COL14A1: variants seen among roughly 807,000 people sequenced by gnomAD.
COL14A1 encodes the protein collagen alpha-1(XIV) chain.
In COL14A1, 136 loss-of-function variants were observed where a neutral mutation model predicts 230.3. The observed-to-expected ratio is 0.59, with a 90% CI of 0.51 to 0.68. The LOEUF is 0.68. Ranked by LOEUF, COL14A1 falls within the 30% of genes least tolerant of loss-of-function variation. The pLI is 0.00. For missense variants in COL14A1, 1,976 were observed against 2,215.8 expected (o/e 0.89, Z 2.17); for synonymous variants, 792 against 784.1 (o/e 1.01, Z -0.17).
intron 20 of COL14A1, among the ~76,000 whole-genome samples, chr8:120,246,648 C>G (rs193168514): frequency 1.4e-3 from 211 of 152,112 alleles, no homozygotes; most frequent in African/African-American, 5.0e-3. Context: ...ACAGAAATGC[C>G]ATTACGTCTT....
intron 7 of COL14A1, 103 bp downstream of exon 7, chr8:120,198,033 A>G: frequency 8.6e-7 from 1 of 1,157,364 alleles, no homozygotes; most frequent in South Asian, 1.5e-5. Flanking sequence ...GTTTTAATTA[A>G]ACTAGCACTT....
intron 5 of COL14A1, among the ~76,000 whole-genome samples, chr8:120,192,630 T>C (rs202117054): frequency 4.4e-4 from 67 of 152,296 alleles, no homozygotes; most frequent in Admixed American, 1.3e-3. Context: ...GGATAATATC[T>C]TGCAGAGTGT....
chr8:120,189,937 A>G (rs1036397661), intron 5 of COL14A1, among the ~76,000 whole-genome samples: 1 of 151,464 alleles, frequency 6.6e-6, no homozygotes, highest in Non-Finnish European at 1.5e-5. Context: ...TAGTGCCACA[A>G]TAAACATACG....
chr8:120,295,883 G>A (rs1820512651), intron 34 of COL14A1, among the ~76,000 whole-genome samples: 1 of 151,882 alleles, frequency 6.6e-6, no homozygotes, highest in Admixed American at 6.6e-5. Context: ...CAGTGGAAGA[G>A]TTGGAGATGA....
intron 19 of COL14A1, among the ~76,000 whole-genome samples, chr8:120,238,791 A>G (rs1818530102): frequency 6.6e-6 from 1 of 152,156 alleles, no homozygotes; most frequent in South Asian, 2.1e-4. Flanking sequence ...TGGGAAAAGC[A>G]TAGTATCTGG....
At chr8:120,370,382 A>G (rs745379935) in intron 47 of COL14A1, 460 of 1,610,972 alleles carry the variant, frequency 2.9e-4, no homozygotes, top group Non-Finnish European at 3.7e-4. Flanking sequence ...GAAATCCTCC[A>G]CTCTGGTTCC....
intron 40 of COL14A1, 135 bp downstream of exon 40, chr8:120,316,132 C>T (rs140748768): frequency 4.9e-5 from 36 of 739,428 alleles, no homozygotes; most frequent in Non-Finnish European, 7.0e-5. Flanking sequence ...ATGTATTTTC[C>T]ACCTATCCTG....
In COL14A1 at chr8:120,237,904, C is replaced by A. The variant is rs961281419; in HGVS notation, c.2350-5975C>A. Reference sequence around the variant, plus strand: ...AGGTCTGTTGGAGTTTGGTGGAGGGCCATTCCAGACCCTGTGTGCCTGGGT... The same window carrying A: ...AGGTCTGTTGGAGTTTGGTGGAGGGACATTCCAGACCCTGTGTGCCTGGGT... On this transcript the variant is annotated intron_variant, in intron 19 of 47. Transcript: ENST00000297848. Among the ~76,000 whole-genome samples, 5 of 152,224 alleles carry A rather than the reference C, an allele frequency of 3.3e-5. 1 individual carries two copies. The highest frequency in any genetic ancestry group is 3.3e-4 in the Admixed American group (5 of 15,298).
chr8:120,276,186 TA>T (rs1288347114), intron 26 of COL14A1, among the ~76,000 whole-genome samples: 1 of 150,514 alleles, frequency 6.6e-6, no homozygotes, highest in Non-Finnish European at 1.5e-5. Flanking sequence ...TACTCAGCCA[TA>T]AAAAAGAACA....
chr8:120,258,036 GT>G (rs1193262632), intron 23 of COL14A1, among the ~76,000 whole-genome samples: 2 of 152,102 alleles, frequency 1.3e-5, no homozygotes, highest in East Asian at 3.9e-4. Context: ...ATTTTGCAAG[GT>G]TTTTGTGAGT....
intron 14 of COL14A1, among the ~76,000 whole-genome samples, chr8:120,222,812 C>G (rs1386243885): frequency 6.6e-6 from 1 of 152,076 alleles, no homozygotes. Flanking sequence ...AGAAACTAAA[C>G]AAGTTCTTGC....
rs145484387 is a variant in COL14A1, at chr8:120,221,525, A to G, written c.1738-3563A>G. 4.7e-3 allele frequency among the ~76,000 whole-genome samples: 707 copies of G among 151,328 alleles called. 8 individuals are homozygous for G. The highest frequency in any genetic ancestry group is 0.016 in the African/African-American group (671 of 41,062). ...CTATTCAGCATCAAATATTTAATAA[A>G]CAATATCCTTTTTAACAGATACACA... On this transcript the variant is annotated intron_variant, in intron 14 of 47. Transcript: ENST00000297848.
At chr8:120,342,221 C>T (rs1352062830) in intron 43 of COL14A1, among the ~76,000 whole-genome samples, 159 bp from the exon 44 acceptor site, 2 of 152,104 alleles carry the variant, frequency 1.3e-5, no homozygotes, top group African/African-American at 4.8e-5. Context: ...AATTGCTTAC[C>T]CCTTCTCTGC....
At chr8:120,152,331 C>T (rs563380322) in intron 2 of COL14A1, among the ~76,000 whole-genome samples, 85 of 151,700 alleles carry the variant, frequency 5.6e-4, no homozygotes, top group Admixed American at 3.4e-3. Context: ...GGCGTGGTGG[C>T]GGGCGCCTGT....
At chr8:120,263,112 T>C in intron 24 of COL14A1, 98 bp downstream of exon 24, 1 of 1,313,196 alleles carries the variant, frequency 7.6e-7, no homozygotes, top group Non-Finnish European at 1.0e-6. Context: ...TATTAGCTAT[T>C]GCTGTTCAGG....
intron 31 of COL14A1, among the ~76,000 whole-genome samples, chr8:120,283,128 C>T (rs1820090126): frequency 6.6e-6 from 1 of 152,150 alleles, no homozygotes; most frequent in Non-Finnish European, 1.5e-5. Context: ...GCAGACAACA[C>T]TCCCAGGACC....
intron 5 of COL14A1, among the ~76,000 whole-genome samples, chr8:120,175,109 G>A (rs371497601): frequency 1.1e-3 from 162 of 152,272 alleles, no homozygotes; most frequent in African/African-American, 3.5e-3. Context: ...TAGTTTAAAC[G>A]CAGAGTTAAG....
rs796194327 is a variant in COL14A1 at position 120,285,345 on chromosome 8, TC to T, written c.3968-513del. ...TGGGCGTGGTGGCGGGTGCCTGTAG[TC>T]CCAGCTACTTGGGAGGCTGAGGCAG... On this transcript the variant is annotated intron_variant, in intron 32 of 47. Coordinates refer to ENST00000297848, the MANE Select transcript of COL14A1 (RefSeq NM_021110.4). Among the ~76,000 whole-genome samples, 29 of 151,086 alleles carry T rather than the reference TC, an allele frequency of 1.9e-4. 1 individual carries two copies. Among genetic ancestry groups the T allele is most frequent in the African/African-American group, 7.1e-4 (29 of 41,130 alleles).
chr8:120,165,110 G>C (rs1787510423), intron 4 of COL14A1, among the ~76,000 whole-genome samples: 2 of 152,194 alleles, frequency 1.3e-5, no homozygotes, highest in African/African-American at 4.8e-5. Context: ...GCAGGATAGA[G>C]GGATTTGTTC....
Sources: allele counts gnomAD v4.1 joint callset (sites outside exome capture counted in the v4.1 genomes callset), GRCh38; gene constraint gnomAD v4.1.1; transcripts MANE v1.5; gene names NCBI Gene and HGNC (gene_info 2026-07-23, HGNC 2026-07-21).